The following PDZRN4 variants were observed in gnomAD, a reference collection of about 807,000 sequenced individuals.
PDZRN4 encodes the protein PDZ domain-containing RING finger protein 4.
In PDZRN4, 70 loss-of-function variants were observed where a neutral mutation model predicts 99.0. The observed-to-expected ratio is 0.71, with a 90% CI of 0.58 to 0.86. The LOEUF is 0.86. Ranked by LOEUF, PDZRN4 falls within the 40% of genes least tolerant of loss-of-function variation. The pLI is 0.00. For synonymous variants in PDZRN4, 551 were observed against 501.6 expected, an observed-to-expected ratio of 1.10 and a Z score of -1.32; for missense variants, 1,474 against 1,331.2, an observed-to-expected ratio of 1.11 and a Z score of -1.67.
intron 3 of PDZRN4, among the ~76,000 whole-genome samples, chr12:41,337,257 G>A (rs1220261784): frequency 6.6e-6 from 1 of 152,056 alleles, no homozygotes; most frequent in Non-Finnish European, 1.5e-5. Flanking sequence ...TTGTGCAAAA[G>A]TGGTTTCAAT....
At chr12:41,401,910 A>G (rs1952291491) in intron 3 of PDZRN4, among the ~76,000 whole-genome samples, 1 of 150,990 alleles carries the variant, frequency 6.6e-6, no homozygotes, top group South Asian at 2.1e-4. Context: ...AGGGCCTTGT[A>G]CATTCTGTGC....
intron 3 of PDZRN4, among the ~76,000 whole-genome samples, chr12:41,342,316 G>C (rs1401437744): frequency 6.6e-6 from 1 of 151,662 alleles, no homozygotes; most frequent in African/African-American, 2.4e-5. Flanking sequence ...TAAGGCCCCA[G>C]AAGCGCGGGC....
At chr12:41,370,325 C>G (rs962254147) in intron 3 of PDZRN4, among the ~76,000 whole-genome samples, 1 of 151,954 alleles carries the variant, frequency 6.6e-6, no homozygotes, top group Non-Finnish European at 1.5e-5. Flanking sequence ...TTTATCTGAT[C>G]ACTCTCCTAT....
Position 41,316,680 on chromosome 12 carries a change from C to T in PDZRN4, c.843+122492C>T, listed in dbSNP as rs867377688. Among the ~76,000 whole-genome samples, 7 of 151,998 alleles carry T rather than the reference C, an allele frequency of 4.6e-5. No individual in the cohort carries two copies. The South Asian group carries it at 6.2e-4, about 13-fold the overall frequency. On this transcript the variant is annotated intron_variant, in intron 3 of 9. Transcript: ENST00000402685. ...TATGGCTTATAAGATCACTTATAGT[C>T]TAGCTTGTTGGTACTTTAAGCAATT...
At chr12:41,399,645 A>G (rs1952275445) in intron 3 of PDZRN4, among the ~76,000 whole-genome samples, 1 of 151,902 alleles carries the variant, frequency 6.6e-6, no homozygotes, top group Admixed American at 6.6e-5. Flanking sequence ...CTGAGGCAGG[A>G]GAATTGGTTG....
At chr12:41,527,802 C>A (rs572951141) in intron 5 of PDZRN4, among the ~76,000 whole-genome samples, 2 of 152,170 alleles carry the variant, frequency 1.3e-5, no homozygotes, top group Non-Finnish European at 2.9e-5. Context: ...TTATTTGTAA[C>A]GGCACAGCTG....
intron 3 of PDZRN4, among the ~76,000 whole-genome samples, chr12:41,432,001 A>G (rs1406119383): frequency 1.3e-5 from 2 of 152,254 alleles, no homozygotes. Flanking sequence ...CTGTATTAAT[A>G]AAGGACAATA....
At chr12:41,495,208 C>T (rs2120641401) in intron 3 of PDZRN4, among the ~76,000 whole-genome samples, 1 of 151,952 alleles carries the variant, frequency 6.6e-6, no homozygotes, top group South Asian at 2.1e-4. Context: ...AACAGTTACC[C>T]AATTGGCTAG....
At chr12:41,477,143 T>G (rs754659986) in intron 3 of PDZRN4, among the ~76,000 whole-genome samples, 2 of 152,216 alleles carry the variant, frequency 1.3e-5, no homozygotes, top group Non-Finnish European at 2.9e-5. Context: ...CTAGGACACA[T>G]GCAGGGGATC....
At chr12:41,293,930 G>A (rs1452578585) in intron 3 of PDZRN4, among the ~76,000 whole-genome samples, 1 of 152,122 alleles carries the variant, frequency 6.6e-6, no homozygotes, top group Non-Finnish European at 1.5e-5. Flanking sequence ...AAATAAGCAA[G>A]AATCTGTCTT....
intron 3 of PDZRN4, among the ~76,000 whole-genome samples, chr12:41,458,827 G>A (rs183488363): frequency 5.9e-5 from 9 of 152,258 alleles, no homozygotes; most frequent in African/African-American, 1.9e-4. Context: ...TGGCAGTGAA[G>A]GGAAGCCAGG....
intron 3 of PDZRN4, among the ~76,000 whole-genome samples, chr12:41,421,995 A>T (rs1952494402): frequency 6.6e-6 from 1 of 152,166 alleles, no homozygotes; most frequent in Non-Finnish European, 1.5e-5. Context: ...TAAGATGAGC[A>T]GAGTACCCAC....
chr12:41,229,178 G>T (rs537120979), intron 3 of PDZRN4, among the ~76,000 whole-genome samples: 2 of 150,812 alleles, frequency 1.3e-5, no homozygotes, highest in African/African-American at 4.8e-5. Flanking sequence ...GATCTGTCTC[G>T]GGTTATCAGT....
At chr12:41,442,932 TA>T (rs1169331368) in intron 3 of PDZRN4, among the ~76,000 whole-genome samples, 2 of 152,184 alleles carry the variant, frequency 1.3e-5, no homozygotes, top group African/African-American at 4.8e-5. Context: ...CTTCCTATGA[TA>T]AACCTCTATT....
rs570277111 is a variant in PDZRN4, at chr12:41,499,371, T to TA, written c.844-7084dup. ...TCATTAAGGTGAGGGGAAATAAACT[T>TA]ATTTATAAAGAGGTTAATAAAACTA... On this transcript the variant is annotated intron_variant, in intron 3 of 9. Coordinates refer to ENST00000402685, the MANE Select transcript of PDZRN4 (RefSeq NM_001164595.2). 2.4e-4 allele frequency among the ~76,000 whole-genome samples: 36 copies of TA among 152,244 alleles called. No homozygotes were observed. The East Asian group carries it at 6.8e-3, about 29-fold the overall frequency.
chr12:41,535,792 G>T (rs888796580), intron 5 of PDZRN4, among the ~76,000 whole-genome samples: 9 of 152,152 alleles, frequency 5.9e-5, no homozygotes, highest in Admixed American at 5.9e-4. Flanking sequence ...ACCGTGGGAT[G>T]ATGCAACATG....
intron 3 of PDZRN4, among the ~76,000 whole-genome samples, chr12:41,292,627 C>T (rs73122830): frequency 0.13 from 19,838 of 152,092 alleles, 1,678 homozygotes; most frequent in African/African-American, 0.25. Flanking sequence ...TTTTTAAGTA[C>T]GCATGATATT....
intron 3 of PDZRN4, among the ~76,000 whole-genome samples, chr12:41,274,221 TA>T (rs934611026): frequency 2.0e-5 from 3 of 152,100 alleles, no homozygotes; most frequent in Non-Finnish European, 4.4e-5. Flanking sequence ...TCAGGGTTTT[TA>T]AAAAAACAGA....
intron 3 of PDZRN4, among the ~76,000 whole-genome samples, chr12:41,370,167 A>G (rs1952030833): frequency 6.6e-6 from 1 of 151,898 alleles, no homozygotes; most frequent in African/African-American, 2.4e-5. Context: ...ATGTTTACCA[A>G]TTTGCACTTA....
Sources: gnomAD v4.1 joint callset for allele counts (sites outside exome capture counted in the v4.1 genomes callset) on GRCh38, gnomAD v4.1.1 for gene constraint, MANE v1.5 for transcripts, NCBI Gene and HGNC (gene_info 2026-07-23, HGNC 2026-07-21) for gene names.